Variants in TFPI observed in about 807,000 individuals in gnomAD.
TFPI encodes anti-convertin.
A neutral mutation model predicts 34.6 loss-of-function variants in TFPI; 15 were observed. That is an observed-to-expected ratio of 0.43 (90% CI 0.29 to 0.67). TFPI has a LOEUF of 0.67. Among genes scored for constraint, TFPI ranks in the 30% least tolerant of loss-of-function variants. The pLI is 0.15. For synonymous variants in TFPI, 105 were observed against 120.1 expected, an observed-to-expected ratio of 0.87 and a Z score of 0.82; for missense variants, 301 against 364.0, an observed-to-expected ratio of 0.83 and a Z score of 1.41.
Position 187,496,940 on chromosome 2 carries a change from C to G in TFPI, c.260G>C (p.Cys87Ser). The G allele has an allele frequency of 6.2e-7, 1 of 1,613,356 alleles. No individual in the cohort carries two copies. The highest frequency in any genetic ancestry group is 8.5e-7 in the Non-Finnish European group (1 of 1,179,518). The change falls in exon 3 of 8, where the codon TGT becomes TCT. Residue 87 changes from cysteine to serine, a missense_variant. Transcript: ENST00000233156. Reference sequence around the variant, plus strand: ...TTCAAATCGATTCTGATTTCCTTCACATCCCCCATATATAAATTCTTCGCA... The same window carrying G: ...TTCAAATCGATTCTGATTTCCTTCAGATCCCCCATATATAAATTCTTCGCA... ...RQCEEFIYGG[C>S]EGNQNRFESL... is the part of the protein sequence containing the mutation.
chr2:187,487,755 T>G (rs1187586743), intron 4 of TFPI, among the ~76,000 whole-genome samples: 1 of 151,506 alleles, frequency 6.6e-6, no homozygotes, highest in Non-Finnish European at 1.5e-5. Context: ...AATTACACAA[T>G]TAAACATACA....
intron 6 of TFPI, among the ~76,000 whole-genome samples, chr2:187,482,605 A>G (rs1201277612): frequency 6.6e-6 from 1 of 152,010 alleles, no homozygotes; most frequent in African/African-American, 2.4e-5. Flanking sequence ...CATCCCCTTA[A>G]TGACCTCTTA....
chr2:187,504,309 A>T (rs550266745), intron 1 of TFPI, among the ~76,000 whole-genome samples: 2 of 152,122 alleles, frequency 1.3e-5, no homozygotes, highest in Non-Finnish European at 2.9e-5. Context: ...CATTATTTAC[A>T]TCAATTTCCT....
intron 6 of TFPI, among the ~76,000 whole-genome samples, chr2:187,474,109 A>G (rs972329772): frequency 5.3e-5 from 8 of 152,194 alleles, no homozygotes; most frequent in African/African-American, 7.2e-5. Context: ...TATAGATTAT[A>G]CAGCTATTGA....
intron 6 of TFPI, among the ~76,000 whole-genome samples, chr2:187,476,389 G>C (rs1461775596): frequency 6.6e-6 from 1 of 152,044 alleles, no homozygotes; most frequent in Middle Eastern, 3.2e-3. Context: ...ATCCAGGCTG[G>C]AGTGCAGTGG....
chr2:187,489,238 C>T (rs937268632), intron 3 of TFPI, among the ~76,000 whole-genome samples: 1 of 151,350 alleles, frequency 6.6e-6, no homozygotes, highest in African/African-American at 2.4e-5. Flanking sequence ...GGTTATAAGC[C>T]TCTTTCAGCA....
intron 1 of TFPI, among the ~76,000 whole-genome samples, chr2:187,508,449 T>C (rs1261427055): frequency 2.0e-5 from 3 of 152,200 alleles, no homozygotes; most frequent in African/African-American, 4.8e-5. Flanking sequence ...GAGCATGAAA[T>C]GTTTTTCCAT....
intron 4 of TFPI, 69 bp from the exon 5 acceptor site, chr2:187,485,056 T>G: frequency 8.4e-7 from 1 of 1,196,160 alleles, no homozygotes; most frequent in Non-Finnish European, 1.1e-6. Flanking sequence ...TTAATAAAAT[T>G]TATAAATACC....
chr2:187,504,680 A>G (rs1686082789), intron 1 of TFPI, among the ~76,000 whole-genome samples: 2 of 152,118 alleles, frequency 1.3e-5, no homozygotes. Context: ...ACACAGAAAA[A>G]TAAAAGAAGA....
chr2:187,496,213 T>C (rs1168499831), intron 3 of TFPI, among the ~76,000 whole-genome samples: 1 of 152,124 alleles, frequency 6.6e-6, no homozygotes, highest in Non-Finnish European at 1.5e-5. Flanking sequence ...TCCTGTAGTA[T>C]TTTAAGGTTC....
rs113053158 is a variant in TFPI at position 187,484,810 on chromosome 2, C to T, written c.535+1G>A. On this transcript the variant is annotated splice_donor_variant, in intron 5 of 7. Coordinates refer to ENST00000233156, the MANE Select transcript of TFPI (RefSeq NM_006287.6). LOFTEE classifies it high-confidence loss of function. ...TAAAATGAAATAAGAAATAAACTTA[C>T]GACCATCTTCACAAATGTTCTTGCA... 2 of 1,581,586 alleles carry T rather than the reference C, an allele frequency of 1.3e-6. No homozygotes were observed. Among genetic ancestry groups the T allele is most frequent in the Non-Finnish European group, 1.7e-6 (2 of 1,169,080 alleles).
At chr2:187,510,162 C>T (rs1686522612) in intron 1 of TFPI, among the ~76,000 whole-genome samples, 5 of 152,254 alleles carry the variant, frequency 3.3e-5, no homozygotes, top group South Asian at 4.2e-4. Flanking sequence ...CTGTGTTCTT[C>T]CTGTTCTTTG....
At chr2:187,540,639 C>T (rs1224527383) in intron 1 of TFPI, among the ~76,000 whole-genome samples, 1 of 151,832 alleles carries the variant, frequency 6.6e-6, no homozygotes, top group South Asian at 2.1e-4. Flanking sequence ...CTTGTAATCC[C>T]AACGCTTTGG....
chr2:187,531,953 A>G (rs1164372122), intron 1 of TFPI, among the ~76,000 whole-genome samples: 4 of 152,078 alleles, frequency 2.6e-5, no homozygotes, highest in South Asian at 4.1e-4. Flanking sequence ...GGAGGATTCT[A>G]TTTATTTTTA....
At chr2:187,479,546 CATAT>C (rs35837997) in intron 6 of TFPI, among the ~76,000 whole-genome samples, 6,846 of 62,710 alleles carry the variant, frequency 0.11, 244 homozygotes, top group Non-Finnish European at 0.14. Context: ...ATATCACGTT[CATAT>C]ATATATATAT....
At chr2:187,537,123 A>T (rs1160878455) in intron 1 of TFPI, among the ~76,000 whole-genome samples, 2 of 152,208 alleles carry the variant, frequency 1.3e-5, no homozygotes, top group African/African-American at 2.4e-5. Flanking sequence ...ATGCTCATGG[A>T]TAAGAAAAAT....
At chr2:187,470,376 A>T (rs1343778115) in intron 6 of TFPI, among the ~76,000 whole-genome samples, 1 of 152,192 alleles carries the variant, frequency 6.6e-6, no homozygotes, top group African/African-American at 2.4e-5. Flanking sequence ...TACAACCTAT[A>T]GTAAACATGG....
chr2:187,464,810 C>T lies in TFPI; in HGVS notation c.*2126G>A, dbSNP rs1691638395. ...TTTCCTTAAGTGAAAAAAGCTGATA[C>T]TATTTTGTAATGATAAAATTTGTAT... On this transcript the variant is annotated 3_prime_UTR_variant, in exon 8 of 8. Coordinates refer to ENST00000233156, the MANE Select transcript of TFPI (RefSeq NM_006287.6). The T allele has an allele frequency of 6.6e-6, 1 of 152,158 alleles. No individual in the cohort carries two copies. Among genetic ancestry groups the T allele is most frequent in the Admixed American group, 6.6e-5 (1 of 15,264 alleles). 9.4% of individuals were successfully genotyped at this position (152,158 alleles called of 1,614,324 possible). A position where few individuals can be genotyped will look rare whatever the true frequency, so the allele number is the denominator to read the frequency against.
intron 2 of TFPI, among the ~76,000 whole-genome samples, chr2:187,500,573 T>C (rs1685782404): frequency 6.6e-6 from 1 of 152,164 alleles, no homozygotes; most frequent in Non-Finnish European, 1.5e-5. Flanking sequence ...GTTTCAATAA[T>C]GGAAGTAGGT....
Sources: gnomAD v4.1 joint callset for allele counts (sites outside exome capture counted in the v4.1 genomes callset) on GRCh38, gnomAD v4.1.1 for gene constraint, MANE v1.5 for transcripts, NCBI Gene and HGNC (gene_info 2026-07-23, HGNC 2026-07-21) for gene names.